OR8H2: variants seen among roughly 807,000 people sequenced by gnomAD.
OR8H2 encodes olfactory receptor 8H2.
For missense variants in OR8H2, 374 were observed against 371.1 expected (o/e 1.01, Z -0.06); for synonymous variants, 157 against 139.2 (o/e 1.13, Z -0.90).
In OR8H2 at chr11:56,103,817, A is replaced by G. The variant is rs941049579; in HGVS notation, c.-342A>G. 6.6e-6 allele frequency: 1 copy of G among 152,260 alleles called. No homozygotes were observed. 9.4% of individuals were successfully genotyped at this position (152,260 alleles called of 1,614,324 possible). A position where few individuals can be genotyped will look rare whatever the true frequency, so the allele number is the denominator to read the frequency against. On this transcript the variant is annotated 5_prime_UTR_variant, in exon 1 of 2. Coordinates refer to ENST00000313503, the MANE Select transcript of OR8H2 (RefSeq NM_001386064.1). ...GGTTTATTTTAACTCAGAATAAAAC[A>G]TAATGAATACACCAAAATGTAAAAA...
rs2134663559 is a variant in OR8H2 at position 56,105,787 on chromosome 11, A to G, written c.745A>G (p.Thr249Ala). 6.2e-7 allele frequency: 1 copy of G among 1,613,854 alleles called. No individual in the cohort carries two copies. The highest frequency in any genetic ancestry group is 1.1e-5 in the South Asian group (1 of 91,068). ...STCVSHLLGV[T>A]IFYSTLIFTY... ...TTGCGTCTCTCATCTCTTGGGAGTC[A>G]CCATCTTTTATAGCACTCTGATTTT... The change falls in exon 2 of 2, where the codon ACC (threonine) becomes GCC (alanine). Residue 249 changes from threonine to alanine, a missense_variant. Coordinates refer to ENST00000313503, the MANE Select transcript of OR8H2 (RefSeq NM_001386064.1).
At position 56,107,367 on chromosome 11, in the gene OR8H2, G is replaced by T. The variant is rs148488579; in HGVS notation, c.*1386G>T. ...CCTTGACTTAAATGCTTTATTCATT[G>T]ATTTTAAATTTCTTAATACAGAAAA... On this transcript the variant is annotated 3_prime_UTR_variant, in exon 2 of 2. Transcript: ENST00000313503. The T allele has an allele frequency of 4.0e-5, 6 of 151,892 alleles. No individual in the cohort carries two copies. Among genetic ancestry groups the T allele is most frequent in the Non-Finnish European group, 4.4e-5 (3 of 67,788 alleles). 9.4% of individuals were successfully genotyped at this position (151,892 alleles called of 1,614,324 possible).
At chr11:56,104,688 C>G (rs1161846780) in intron 1 of OR8H2, among the ~76,000 whole-genome samples, 184 bp from the exon 2 acceptor site, 1 of 152,156 alleles carries the variant, frequency 6.6e-6, no homozygotes, top group African/African-American at 2.4e-5. Flanking sequence ...ACATGCTACA[C>G]TTTATTGTAA....
rs768968636 is a variant in OR8H2, at chr11:56,105,429, T to C, written c.387T>C (p.Pro129=). Residue 129 remains proline (P), a synonymous_variant, in exon 2 of 2, where the codon CCT becomes CCC. Transcript: ENST00000313503. The part of the protein sequence containing the change: ...AHDRYAAICS[P]LHYTVIMSKR... ...ATCGCTATGCAGCGATCTGCAGTCC[T>C]CTACACTACACAGTTATTATGTCCA... 3 of 1,614,196 alleles carry C rather than the reference T, an allele frequency of 1.9e-6. No homozygotes were observed. In the South Asian group the frequency reaches 3.3e-5, roughly 18 times the overall value.
At position 56,103,853 on chromosome 11, in the gene OR8H2, C is replaced by A. The variant is rs1056713398; in HGVS notation, c.-306C>A. ...ACCAAAATGTAAAAACAACTTATCT[C>A]AAGTAAAATAAATATTATAAAAAAT... On this transcript the variant is annotated 5_prime_UTR_variant, in exon 1 of 2. Coordinates refer to ENST00000313503, the MANE Select transcript of OR8H2 (RefSeq NM_001386064.1). 5.3e-5 allele frequency: 8 copies of A among 152,018 alleles called. No individual in the cohort carries two copies. Among genetic ancestry groups the A allele is most frequent in the African/African-American group, 1.9e-4 (8 of 41,524 alleles). The allele number at this position is 152,018 out of a possible 1,614,324, so 9.4% of individuals were successfully genotyped here. A position where few individuals can be genotyped will look rare whatever the true frequency, so the allele number is the denominator to read the frequency against.
rs1483521342 is a variant in OR8H2, at chr11:56,107,554, G to T, written c.*1573G>T. The T allele has an allele frequency of 6.6e-6, 1 of 151,816 alleles. No homozygotes were observed. Among genetic ancestry groups the T allele is most frequent in the Non-Finnish European group, 1.5e-5 (1 of 67,758 alleles). The allele number at this position is 151,816 out of a possible 1,614,324, so 9.4% of individuals were successfully genotyped here. ...TATTTAATGGATATTTTAGAAGCTA[G>T]TTTTTATTTTCCAAGTATTTGTCTT... On this transcript the variant is annotated 3_prime_UTR_variant, in exon 2 of 2. Transcript: ENST00000313503.
chr11:56,105,362 TG>T lies in OR8H2; in HGVS notation c.323del (p.Gly108ValfsTer43), dbSNP rs1387474755. 2 of 1,614,228 alleles carry T rather than the reference TG, an allele frequency of 1.2e-6. No homozygotes were observed. The highest frequency in any genetic ancestry group is 1.7e-6 in the Non-Finnish European group (2 of 1,180,036). On this transcript the variant is annotated frameshift_variant, in exon 2 of 2. Transcript: ENST00000313503. LOFTEE classifies it low-confidence loss of function (END_TRUNC). ...CFAQMFFFAF[L>X]GTAECYLLSS... ...GCCCAGATGTTCTTTTTTGCCTTCT[TG>T]GGTACTGCTGAATGTTACCTTCTCT...
intron 1 of OR8H2, 111 bp from the exon 2 acceptor site, chr11:56,104,761 T>C: frequency 3.1e-6 from 1 of 325,492 alleles, no homozygotes; most frequent in Non-Finnish European, 5.6e-6. Flanking sequence ...TCTTTAGTCA[T>C]ATTCTATAAA....
chr11:56,106,587 T>G lies in OR8H2; in HGVS notation c.*606T>G, dbSNP rs1413940425. ...GAGTATTTAAAGCAATAATAATTAA[T>G]GCTTCCCATTATCATTAGAAGACCT... On this transcript the variant is annotated 3_prime_UTR_variant, in exon 2 of 2. Transcript: ENST00000313503. 6.6e-6 allele frequency: 1 copy of G among 152,096 alleles called. No homozygotes were observed. The highest frequency in any genetic ancestry group is 1.5e-5 in the Non-Finnish European group (1 of 67,954). 9.4% of individuals were successfully genotyped at this position (152,096 alleles called of 1,614,324 possible).
rs562014353 is a variant in OR8H2, at chr11:56,107,303, C to A, written c.*1322C>A. On this transcript the variant is annotated 3_prime_UTR_variant, in exon 2 of 2. Coordinates refer to ENST00000313503, the MANE Select transcript of OR8H2 (RefSeq NM_001386064.1). ...TGTTTTTAAAAATCATTGCCTTTCTCCTGATTTCTACAGGTTTGTTTCAGT... is the reference window on the plus strand; with the variant it reads ...TGTTTTTAAAAATCATTGCCTTTCTACTGATTTCTACAGGTTTGTTTCAGT... 2 of 152,012 alleles carry A rather than the reference C, an allele frequency of 1.3e-5. No homozygotes were observed. The highest frequency in any genetic ancestry group is 4.1e-4 in the South Asian group (2 of 4,824). The allele number at this position is 152,012 out of a possible 1,614,324, so 9.4% of individuals were successfully genotyped here. A position where few individuals can be genotyped will look rare whatever the true frequency, so the allele number is the denominator to read the frequency against.
In OR8H2 at chr11:56,103,935, C is replaced by A. The variant is rs1854013049; in HGVS notation, c.-224C>A. On this transcript the variant is annotated 5_prime_UTR_variant, in exon 1 of 2. Coordinates refer to ENST00000313503, the MANE Select transcript of OR8H2 (RefSeq NM_001386064.1). Reference sequence around the variant, plus strand: ...ACAAAAATTTGAGGTTGACAAATTTCCAGACAGATAATATAAGAAGAAACC... The same window carrying A: ...ACAAAAATTTGAGGTTGACAAATTTACAGACAGATAATATAAGAAGAAACC... 1 of 152,042 alleles carries A rather than the reference C, an allele frequency of 6.6e-6. No homozygotes were observed. Among genetic ancestry groups the A allele is most frequent in the Non-Finnish European group, 1.5e-5 (1 of 67,976 alleles). The allele number at this position is 152,042 out of a possible 1,614,324, so 9.4% of individuals were successfully genotyped here. A position where few individuals can be genotyped will look rare whatever the true frequency, so the allele number is the denominator to read the frequency against.
chr11:56,104,942 G>C lies in OR8H2; in HGVS notation c.-101G>C. On this transcript the variant is annotated 5_prime_UTR_variant, in exon 2 of 2. Coordinates refer to ENST00000313503, the MANE Select transcript of OR8H2 (RefSeq NM_001386064.1). ...GCTCACTGCAACCTCCGCCTCCCGC[G>C]TTCAAGCAATTCTCCTGCCTCAGCT... is the stretch of plus-strand genomic sequence containing the variant. 1 of 1,056,460 alleles carries C rather than the reference G, an allele frequency of 9.5e-7. No individual in the cohort carries two copies. The highest frequency in any genetic ancestry group is 1.5e-5 in the South Asian group (1 of 64,978). The allele number at this position is 1,056,460 out of a possible 1,614,324, so 65.4% of individuals were successfully genotyped here. A position where few individuals can be genotyped will look rare whatever the true frequency, so the allele number is the denominator to read the frequency against.
At chr11:56,104,781 A>C (rs1854025412) in intron 1 of OR8H2, 91 bp from the exon 2 acceptor site, 1 of 362,686 alleles carries the variant, frequency 2.8e-6, no homozygotes. Context: ...ATTTATTAGC[A>C]ACTTATAGAA....
chr11:56,105,626 C>G lies in OR8H2; in HGVS notation c.584C>G (p.Thr195Ser), dbSNP rs746561960. ...LALSCTDTYN[T>S]EILIFIIVGS... ...CTGTCCTGCACTGATACATACAACACCGAAATCCTGATATTCATTATTGTT... is the reference window on the plus strand; with the variant it reads ...CTGTCCTGCACTGATACATACAACAGCGAAATCCTGATATTCATTATTGTT... The change falls in exon 2 of 2, where the codon ACC (threonine) becomes AGC (serine). Residue 195 changes from threonine to serine, a missense_variant. Thr to Ser is a moderately conservative substitution (Grantham distance 58, BLOSUM62 1). Transcript: ENST00000313503. The G allele has an allele frequency of 6.2e-7, 1 of 1,614,082 alleles. No individual in the cohort carries two copies. Among genetic ancestry groups the G allele is most frequent in the East Asian group, 2.2e-5 (1 of 44,884 alleles).
chr11:56,106,089 AT>A lies in OR8H2; in HGVS notation c.*111del, dbSNP rs1854052495. 1.3e-6 allele frequency: 1 copy of A among 778,570 alleles called. No homozygotes were observed. The allele number at this position is 778,570 out of a possible 1,614,324, so 48.2% of individuals were successfully genotyped here. A position where few individuals can be genotyped will look rare whatever the true frequency, so the allele number is the denominator to read the frequency against. ...CAATTGAATCTTTTAATTTGTTTGC[AT>A]TTCTGTTGTGCTACCCTTTGCTTCA... On this transcript the variant is annotated 3_prime_UTR_variant, in exon 2 of 2. Coordinates refer to ENST00000313503, the MANE Select transcript of OR8H2 (RefSeq NM_001386064.1).
At position 56,104,868 on chromosome 11, in the gene OR8H2, T is replaced by A; in HGVS notation, c.-171-4T>A. ...TTTTGTTTGTTTTTTGTTTTTTGAG[T>A]CAGAGTCTGGCACAGTCGCCAGGGC... On this transcript the variant is annotated splice_region_variant and splice_polypyrimidine_tract_variant and intron_variant, in intron 1 of 1. Transcript: ENST00000313503. 8.4e-6 allele frequency: 4 copies of A among 477,386 alleles called. No homozygotes were observed. Among genetic ancestry groups the A allele is most frequent in the South Asian group, 5.5e-5 (1 of 18,252 alleles). 29.6% of individuals were successfully genotyped at this position (477,386 alleles called of 1,614,324 possible).
chr11:56,105,668 T>C lies in OR8H2; in HGVS notation c.626T>C (p.Val209Ala), dbSNP rs72919590. ...ATTATTGTTGGTTCCACCCTGATGGTGTCCCTTTTCACAATATCTGCATCC... is the reference window on the plus strand; with the variant it reads ...ATTATTGTTGGTTCCACCCTGATGGCGTCCCTTTTCACAATATCTGCATCC... ...IFIIVGSTLM[V>A]SLFTISASYV... The change falls in exon 2 of 2, where the codon GTG (valine) becomes GCG (alanine). Residue 209 changes from valine (V) to alanine (A), a missense_variant. Transcript: ENST00000313503. The C allele has an allele frequency of 0.017, 26,831 of 1,614,050 alleles. 297 individuals are homozygous for C. Among genetic ancestry groups the C allele is most frequent in the Non-Finnish European group, 0.021 (24,351 of 1,179,870 alleles).
rs1590741069 is a variant in OR8H2, at chr11:56,107,655, T to C, written c.*1674T>C. The C allele has an allele frequency of 6.6e-6, 1 of 151,884 alleles. No homozygotes were observed. Among genetic ancestry groups the C allele is most frequent in the South Asian group, 2.1e-4 (1 of 4,832 alleles). 9.4% of individuals were successfully genotyped at this position (151,884 alleles called of 1,614,324 possible). ...TTTTAATCTTGTGAAATTTGTTATC[T>C]TCGTACAATTATATTTGATTTCTTC... On this transcript the variant is annotated 3_prime_UTR_variant, in exon 2 of 2. Transcript: ENST00000313503.
At position 56,105,616 on chromosome 11, in the gene OR8H2, A is replaced by G. The variant is rs1230940408; in HGVS notation, c.574A>G (p.Thr192Ala). The change falls in exon 2 of 2, where the codon ACA becomes GCA. Residue 192 changes from threonine to alanine, a missense_variant. Thr to Ala is a moderately conservative substitution (Grantham distance 58). Coordinates refer to ENST00000313503, the MANE Select transcript of OR8H2 (RefSeq NM_001386064.1). ...AATTTTAGCTCTGTCCTGCACTGAT[A>G]CATACAACACCGAAATCCTGATATT... ...SPILALSCTDTYNTEILIFII... is the reference protein window; with the variant it reads ...SPILALSCTDAYNTEILIFII... 4.3e-6 allele frequency: 7 copies of G among 1,614,188 alleles called. No homozygotes were observed. In the South Asian group the frequency reaches 6.6e-5, roughly 15 times the overall value.
Sources: allele counts gnomAD v4.1 joint callset (sites outside exome capture counted in the v4.1 genomes callset), GRCh38; gene constraint gnomAD v4.1.1; transcripts MANE v1.5; gene names NCBI Gene and HGNC (gene_info 2026-07-23, HGNC 2026-07-21).